PDE4D: variants seen among roughly 807,000 people sequenced by gnomAD.
PDE4D encodes 3',5'-cyclic-AMP phosphodiesterase 4D.
Under a neutral mutation model 87.4 loss-of-function variants are expected in PDE4D, and 24 were observed. That is an observed-to-expected ratio of 0.27 (90% CI 0.20 to 0.39). The LOEUF (loss-of-function observed/expected upper bound fraction) is 0.39. PDE4D is among the 10% of genes least tolerant of loss of function. PDE4D has a pLI of 1.00. For synonymous variants in PDE4D, 384 were observed against 383.2 expected, an observed-to-expected ratio of 1.00 and a Z score of -0.02; for missense variants, 714 against 1,041.0, an observed-to-expected ratio of 0.69 and a Z score of 4.32.
intron 6 of PDE4D, among the ~76,000 whole-genome samples, chr5:59,015,033 T>C (rs2153368987): frequency 6.6e-6 from 1 of 152,322 alleles, no homozygotes; most frequent in Admixed American, 6.5e-5. Flanking sequence ...AAGGATTCCC[T>C]ATTTAATAAA....
At chr5:59,867,396 C>T (rs1358742940) in intron 1 of PDE4D, among the ~76,000 whole-genome samples, 1 of 151,896 alleles carries the variant, frequency 6.6e-6, no homozygotes, top group Non-Finnish European at 1.5e-5. Context: ...TGCAATTAGA[C>T]ATTGCTTTCA....
intron 5 of PDE4D, among the ~76,000 whole-genome samples, chr5:59,131,300 T>C (rs1776221990): frequency 6.6e-6 from 1 of 152,184 alleles, no homozygotes; most frequent in Admixed American, 6.5e-5. Flanking sequence ...ACTATATTTT[T>C]CACTTTCGTA....
chr5:59,340,615 G>A (rs1778558862), intron 1 of PDE4D, among the ~76,000 whole-genome samples: 1 of 151,846 alleles, frequency 6.6e-6, no homozygotes, highest in African/African-American at 2.4e-5. Flanking sequence ...TCAAATACTA[G>A]ATCTTAATCA....
At chr5:59,770,361 C>G (rs938539316) in intron 1 of PDE4D, among the ~76,000 whole-genome samples, 1 of 151,864 alleles carries the variant, frequency 6.6e-6, no homozygotes, top group African/African-American at 2.4e-5. Flanking sequence ...TTGGACAATA[C>G]TTAGAAAAAC....
chr5:60,371,234 C>G (rs1358295261), intron 1 of PDE4D, among the ~76,000 whole-genome samples: 1 of 152,178 alleles, frequency 6.6e-6, no homozygotes, highest in Non-Finnish European at 1.5e-5. Flanking sequence ...TCTTCTGAAA[C>G]AGGATTAGAT....
At chr5:59,982,871 C>A (rs1318933472) in intron 3 of PDE4D, among the ~76,000 whole-genome samples, 1 of 152,138 alleles carries the variant, frequency 6.6e-6, no homozygotes, top group Non-Finnish European at 1.5e-5. Context: ...TTAACAACAA[C>A]AAACATTATT....
chr5:59,243,448 CTTTTTTTTTTTTTTTT>C (rs767287011), intron 1 of PDE4D, among the ~76,000 whole-genome samples: 2 of 72,282 alleles, frequency 2.8e-5, no homozygotes, highest in African/African-American at 6.2e-5. Flanking sequence ...TTAAAATAAC[CTTTTTTTTTTTTTTTT>C]TTTTTTTTTT....
chr5:60,321,507 G>A (rs1239604306), intron 1 of PDE4D, among the ~76,000 whole-genome samples: 1 of 152,090 alleles, frequency 6.6e-6, no homozygotes, highest in Admixed American at 6.5e-5. Flanking sequence ...TGACAAAGAT[G>A]CCAAAAGCAA....
intron 1 of PDE4D, among the ~76,000 whole-genome samples, chr5:60,507,294 C>T (rs988728432): frequency 2.0e-5 from 3 of 152,058 alleles, no homozygotes; most frequent in African/African-American, 4.8e-5. Context: ...AGGCTGGTCT[C>T]GAACTCCTGA....
intron 1 of PDE4D, among the ~76,000 whole-genome samples, chr5:59,699,261 A>G (rs896957979): frequency 1.3e-5 from 2 of 152,206 alleles, no homozygotes; most frequent in African/African-American, 4.8e-5. Context: ...AAGAATCAGA[A>G]ATTATGTAAA....
intron 3 of PDE4D, among the ~76,000 whole-genome samples, chr5:59,910,566 G>A (rs1257753378): frequency 6.6e-6 from 1 of 152,154 alleles, no homozygotes; most frequent in Non-Finnish European, 1.5e-5. Context: ...TGAAAATCTT[G>A]TTGGCTGATT....
intron 1 of PDE4D, among the ~76,000 whole-genome samples, chr5:59,290,712 A>G (rs1767851284): frequency 6.6e-6 from 1 of 152,150 alleles, no homozygotes; most frequent in Non-Finnish European, 1.5e-5. Flanking sequence ...ATCAGAATAT[A>G]TAAGAAGCTC....
chr5:60,043,918 C>T (rs1172611391), intron 2 of PDE4D, among the ~76,000 whole-genome samples: 1 of 152,170 alleles, frequency 6.6e-6, no homozygotes, highest in African/African-American at 2.4e-5. Context: ...ATCCTTTAAA[C>T]ACTTTAAATA....
intron 1 of PDE4D, among the ~76,000 whole-genome samples, chr5:59,462,970 G>T (rs1180633041): frequency 2.6e-5 from 4 of 151,952 alleles, no homozygotes; most frequent in Middle Eastern, 3.4e-3. Context: ...CATACTGAGA[G>T]ACCCCTCTAT....
At chr5:60,443,759 T>C (rs1745424479) in intron 1 of PDE4D, among the ~76,000 whole-genome samples, 1 of 152,174 alleles carries the variant, frequency 6.6e-6, no homozygotes, top group Non-Finnish European at 1.5e-5. Context: ...AAAATTAGCA[T>C]TGCCATCTCA....
At chr5:59,773,009 G>A (rs1013798745) in intron 1 of PDE4D, among the ~76,000 whole-genome samples, 1 of 152,152 alleles carries the variant, frequency 6.6e-6, no homozygotes, top group Non-Finnish European at 1.5e-5. Context: ...ATGCTACAAG[G>A]ATTAAATGTG....
intron 1 of PDE4D, among the ~76,000 whole-genome samples, chr5:59,724,730 ATATAATGTCAGGCT>A (rs1326481021): frequency 4.6e-5 from 7 of 152,196 alleles, no homozygotes; most frequent in African/African-American, 1.7e-4. Context: ...CACATAGGGC[ATATAATGTCAGGCT>A]GAGGAGAATT....
chr5:59,386,563 C>T lies in PDE4D; in HGVS notation c.456-170595G>A, dbSNP rs1340453922. ...GGCATGGTGGCTCATGTCTGCAATCCCAGGATTTCTGGGAGGCTGAGGTGG... is the reference window on the plus strand; with the variant it reads ...GGCATGGTGGCTCATGTCTGCAATCTCAGGATTTCTGGGAGGCTGAGGTGG... On this transcript the variant is annotated intron_variant, in intron 1 of 14. Coordinates refer to ENST00000340635, the MANE Select transcript of PDE4D (RefSeq NM_001104631.2). 2.6e-5 allele frequency among the ~76,000 whole-genome samples: 4 copies of T among 151,608 alleles called. No individual in the cohort carries two copies. The East Asian group carries it at 7.8e-4, about 29-fold the overall frequency.
chr5:59,868,149 T>C (rs1747317281), intron 1 of PDE4D, among the ~76,000 whole-genome samples: 1 of 152,200 alleles, frequency 6.6e-6, no homozygotes, highest in Non-Finnish European at 1.5e-5. Context: ...AATCTCTTTA[T>C]AGTCTTAAAA....
Sources: gnomAD v4.1 joint callset for allele counts (sites outside exome capture counted in the v4.1 genomes callset) on GRCh38, gnomAD v4.1.1 for gene constraint, MANE v1.5 for transcripts, NCBI Gene and HGNC (gene_info 2026-07-23, HGNC 2026-07-21) for gene names.